NBAS: variants seen among roughly 807,000 people sequenced by gnomAD.
The protein encoded by NBAS is NAG/BC035112 fusion.
In NBAS, 219 loss-of-function variants were observed where a neutral mutation model predicts 302.5. That is an observed-to-expected ratio of 0.72 (90% CI 0.65 to 0.81). The LOEUF (loss-of-function observed/expected upper bound fraction) is 0.81. NBAS is among the 30% of genes least tolerant of loss of function. The pLI is 0.00. For synonymous variants in NBAS, 1,118 were observed against 1,021.6 expected (o/e 1.09, Z -1.80); for missense variants, 2,932 against 2,841.6 (o/e 1.03, Z -0.72).
At chr2:15,003,078 G>A in the NBAS span, among the ~76,000 whole-genome samples, 1 of 152,250 alleles carries the variant, frequency 6.6e-6, no homozygotes, top group East Asian at 1.9e-4. Context: ...TGTGAGGACT[G>A]CCAGCACACT....
chr2:14,856,140 C>A, the NBAS span, among the ~76,000 whole-genome samples: 2 of 152,014 alleles, frequency 1.3e-5, no homozygotes, highest in Non-Finnish European at 2.9e-5. Context: ...GGGGAGGGAA[C>A]AAGAGTCTCT....
At chr2:14,869,334 G>A in the NBAS span, among the ~76,000 whole-genome samples, 6 of 152,030 alleles carry the variant, frequency 3.9e-5, no homozygotes, top group Middle Eastern at 3.2e-3. Context: ...GAAAATATCC[G>A]TTTCTCCATC....
At chr2:14,972,139 T>G in the NBAS span, among the ~76,000 whole-genome samples, 1 of 152,180 alleles carries the variant, frequency 6.6e-6, no homozygotes, top group East Asian at 1.9e-4. Context: ...AATGAGATCA[T>G]GTCCTTTGCA....
At chr2:15,353,405 A>AT in intron 34 of NBAS, 148 bp downstream of exon 34, 1 of 974,340 alleles carries the variant, frequency 1.0e-6, no homozygotes, top group South Asian at 1.4e-5. Flanking sequence ...TAATATTTTC[A>AT]TGTCCCTTTT....
chr2:15,288,376 A>G (rs945765779), intron 41 of NBAS, among the ~76,000 whole-genome samples: 1 of 152,168 alleles, frequency 6.6e-6, no homozygotes, highest in Admixed American at 6.5e-5. Context: ...ACCATTGTGA[A>G]CTGCAAGTAG....
the NBAS span, among the ~76,000 whole-genome samples, chr2:14,987,039 G>T: frequency 6.6e-6 from 1 of 151,926 alleles, no homozygotes; most frequent in Non-Finnish European, 1.5e-5. Flanking sequence ...GATAAATATA[G>T]ATCTAAAATA....
intron 47 of NBAS, among the ~76,000 whole-genome samples, chr2:15,219,926 C>T (rs534159496): frequency 4.7e-5 from 7 of 148,254 alleles, no homozygotes; most frequent in South Asian, 4.2e-4. Flanking sequence ...CCTCACCTCC[C>T]GGATGGGGCG....
the NBAS span, among the ~76,000 whole-genome samples, chr2:14,916,463 TA>T: frequency 1.3e-5 from 2 of 152,300 alleles, no homozygotes; most frequent in Non-Finnish European, 2.9e-5. Flanking sequence ...TTATTTTCCT[TA>T]AAAAAATCAG....
chr2:14,997,615 C>CT, the NBAS span, among the ~76,000 whole-genome samples: 29 of 151,992 alleles, frequency 1.9e-4, no homozygotes, highest in Non-Finnish European at 3.2e-4. Context: ...ACATAAATAC[C>CT]TTTTTTTGGT....
the NBAS span, among the ~76,000 whole-genome samples, chr2:14,874,959 A>G: frequency 3.5e-4 from 53 of 152,230 alleles, no homozygotes; most frequent in African/African-American, 1.3e-3. Context: ...ACATTCATTC[A>G]TGATAGAAAC....
At chr2:15,420,723 C>T (rs1677169900) in intron 23 of NBAS, among the ~76,000 whole-genome samples, 1 of 151,986 alleles carries the variant, frequency 6.6e-6, no homozygotes. Context: ...GGAAGGAGCA[C>T]ATGCAAATGG....
the NBAS span, among the ~76,000 whole-genome samples, chr2:14,872,875 T>A: frequency 2.0e-5 from 3 of 151,290 alleles, no homozygotes; most frequent in Non-Finnish European, 2.9e-5. Flanking sequence ...GCCTCCGGAG[T>A]TGTTTGTTCC....
the NBAS span, among the ~76,000 whole-genome samples, chr2:14,994,513 G>A: frequency 5.3e-5 from 8 of 152,250 alleles, no homozygotes; most frequent in African/African-American, 1.9e-4. Flanking sequence ...GGATATATGG[G>A]ATTCCAGATG....
rs576984326 is a variant in NBAS, at chr2:15,405,455, C to T, written c.2938-3154G>A. On this transcript the variant is annotated intron_variant, in intron 25 of 51. Transcript: ENST00000281513. ...TAAGACACACTTTTTTTTCATTATTCCTTCCCTATTATCTCAGTTGTCACT... is the reference window on the plus strand; with the variant it reads ...TAAGACACACTTTTTTTTCATTATTTCTTCCCTATTATCTCAGTTGTCACT... 1.4e-4 allele frequency among the ~76,000 whole-genome samples: 22 copies of T among 151,946 alleles called. No homozygotes were observed. In the South Asian group the frequency reaches 4.4e-3, roughly 30 times the overall value.
At chr2:15,393,059 T>C (rs11682528) in intron 28 of NBAS, among the ~76,000 whole-genome samples, 91,887 of 151,696 alleles carry the variant, frequency 0.61, 28,810 homozygotes, top group Non-Finnish European at 0.68. Flanking sequence ...ATACAAAAAG[T>C]TTTTTGACCC....
intron 29 of NBAS, among the ~76,000 whole-genome samples, chr2:15,382,442 A>G (rs749499646): frequency 2.0e-5 from 3 of 152,232 alleles, no homozygotes; most frequent in Non-Finnish European, 4.4e-5. Context: ...CATTTTAAAG[A>G]AAGACCATAG....
the NBAS span, among the ~76,000 whole-genome samples, chr2:14,874,142 G>T: frequency 2.0e-5 from 3 of 151,940 alleles, no homozygotes; most frequent in Non-Finnish European, 4.4e-5. Context: ...GACAATAAAG[G>T]GATAAAAAGG....
intron 20 of NBAS, 53 bp from the exon 21 acceptor site, chr2:15,461,390 G>A (rs1679500981): frequency 6.3e-7 from 1 of 1,578,802 alleles, no homozygotes; most frequent in Non-Finnish European, 8.7e-7. Flanking sequence ...AAATAAAGGA[G>A]TGATTTTATA....
At chr2:15,559,247 T>C (rs1244942381) in intron 1 of NBAS, among the ~76,000 whole-genome samples, 1 of 152,074 alleles carries the variant, frequency 6.6e-6, no homozygotes, top group East Asian at 1.9e-4. Context: ...CCAAAGACCA[T>C]ACTGGTTGCC....
Sources: gnomAD v4.1 joint callset for allele counts (sites outside exome capture counted in the v4.1 genomes callset) on GRCh38, gnomAD v4.1.1 for gene constraint, MANE v1.5 for transcripts, NCBI Gene and HGNC (gene_info 2026-07-23, HGNC 2026-07-21) for gene names.